Variants in PKMYT1 observed in about 807,000 individuals in gnomAD.
PKMYT1 encodes the protein protein kinase, membrane associated tyrosine/threonine 1.
In PKMYT1, 35 loss-of-function variants were observed where a neutral mutation model predicts 49.7. That is an observed-to-expected ratio of 0.70 (90% CI 0.54 to 0.93). The LOEUF is 0.93. Among genes scored for constraint, PKMYT1 ranks in the 40% least tolerant of loss-of-function variants. The pLI, the probability that PKMYT1 is intolerant of heterozygous loss-of-function variation, is 0.00. For synonymous variants in PKMYT1, 331 were observed against 287.6 expected, an observed-to-expected ratio of 1.15 and a Z score of -1.53; for missense variants, 677 against 673.1, an observed-to-expected ratio of 1.01 and a Z score of -0.06.
At chr16:2,975,843 T>C (rs1596451929) in intron 3 of PKMYT1, 31 bp from the exon 4 acceptor site, 1 of 1,558,820 alleles carries the variant, frequency 6.4e-7, no homozygotes, top group Non-Finnish European at 8.6e-7. Context: ...ACGCACACAG[T>C]GAGGGTGAGC....
At chr16:2,977,461 T>G (rs1432473985) in intron 2 of PKMYT1, 1 of 997,306 alleles carries the variant, frequency 1.0e-6, no homozygotes, top group African/African-American at 1.7e-5. Flanking sequence ...ATCCCTCAAG[T>G]GTCTTTCTTT....
chr16:2,976,634 G>A (rs746091348), intron 3 of PKMYT1, 30 bp downstream of exon 3: 7 of 1,413,970 alleles, frequency 5.0e-6, no homozygotes, highest in African/African-American at 1.4e-5. Context: ...AGGTCCCCCA[G>A]ATGGGCCTAG....
Position 2,976,844 on chromosome 16 carries a change from G to T in PKMYT1, c.198C>A (p.Leu66=). 1 of 1,547,616 alleles carries T rather than the reference G, an allele frequency of 6.5e-7. No individual in the cohort carries two copies. Among genetic ancestry groups the T allele is most frequent in the Non-Finnish European group, 8.7e-7 (1 of 1,145,344 alleles). The change falls in exon 3 of 9, where the codon CTC becomes CTA. Residue 66 remains leucine, a synonymous_variant. Coordinates refer to ENST00000262300, the MANE Select transcript of PKMYT1 (RefSeq NM_004203.5). ...GCCAGCCTGGGGTCCGAGGAGGGAA[G>T]AGGCGGCTGATGGGAATGCTGCCCT... ...PAKGSIPISR[L]FPPRTPGWHQ...
At position 2,972,846 on chromosome 16, in the gene PKMYT1, C is replaced by T. The variant is rs372084213; in HGVS notation, c.*107G>A. 8.5e-5 allele frequency: 130 copies of T among 1,532,324 alleles called. No individual in the cohort carries two copies. In the South Asian group the frequency reaches 1.1e-3, roughly 12 times the overall value. The allele number at this position is 1,532,324 out of a possible 1,614,324, so 94.9% of individuals were successfully genotyped here. On this transcript the variant is annotated 3_prime_UTR_variant, in exon 9 of 9. Transcript: ENST00000262300. Reference sequence around the variant, plus strand: ...AGGTTCAAATACTTTTTATTAGACACGGCCAGGCAGAGAAGACCATGGGAG... The same window carrying T: ...AGGTTCAAATACTTTTTATTAGACATGGCCAGGCAGAGAAGACCATGGGAG...
At chr16:2,974,873 C>G in intron 4 of PKMYT1, 1 of 584,054 alleles carries the variant, frequency 1.7e-6, no homozygotes, top group Non-Finnish European at 3.0e-6. Context: ...CCAGGGAGCC[C>G]ACAAGCCACA....
Position 2,976,858 on chromosome 16 carries a change from G to A in PKMYT1, c.184C>T (p.Pro62Ser), listed in dbSNP as rs201496002. 441 of 1,536,738 alleles carry A rather than the reference G, an allele frequency of 2.9e-4. No individual in the cohort carries two copies. Among genetic ancestry groups the A allele is most frequent in the Non-Finnish European group, 3.7e-4 (417 of 1,138,170 alleles). Residue 62 changes from proline to serine, a missense_variant, in exon 3 of 9, where the codon CCC becomes TCC. Pro to Ser is a moderately conservative substitution (Grantham distance 74). Transcript: ENST00000262300. ...PPPPPAKGSI[P>S]ISRLFPPRTP... ...CGAGGAGGGAAGAGGCGGCTGATGG[G>A]AATGCTGCCCTTGGCAGGGGGCGGA...
rs773611500 is a variant in PKMYT1, at chr16:2,973,159, G to A, written c.1367C>T (p.Pro456Leu). Residue 456 changes from proline to leucine, a missense_variant, in exon 8 of 9, where the codon CCC becomes CTC. By Grantham distance (98) the Pro-to-Leu change is moderately conservative. Coordinates refer to ENST00000262300, the MANE Select transcript of PKMYT1 (RefSeq NM_004203.5). ...LARTVGSTST[P>L]RSRCTPRDAL... ...TTACCTGGGTGTGCACCTGCTCCGGGGGGTGGAGGTGCTCCCCACAGTCCG... is the reference window on the plus strand; with the variant it reads ...TTACCTGGGTGTGCACCTGCTCCGGAGGGTGGAGGTGCTCCCCACAGTCCG... The A allele has an allele frequency of 3.2e-6, 5 of 1,540,726 alleles. No homozygotes were observed. In the South Asian group the frequency reaches 3.7e-5, roughly 11 times the overall value.
chr16:2,974,521 A>T, intron 5 of PKMYT1, 29 bp downstream of exon 5: 1 of 1,535,786 alleles, frequency 6.5e-7, no homozygotes, highest in South Asian at 1.2e-5. Context: ...AGCCCGTGGC[A>T]GCACCCCCTC....
chr16:2,973,439 A>C (rs1397010871), intron 7 of PKMYT1: 3 of 1,528,524 alleles, frequency 2.0e-6, no homozygotes, highest in East Asian at 4.9e-5. Context: ...TTTTCAGAAC[A>C]CATGGACTTG....
chr16:2,975,951 C>T (rs758768145), intron 3 of PKMYT1, 139 bp from the exon 4 acceptor site: 2 of 891,330 alleles, frequency 2.2e-6, no homozygotes, highest in Non-Finnish European at 3.4e-6. Flanking sequence ...TCTCAGACCC[C>T]TGCCCAGGGT....
In PKMYT1 at chr16:2,979,681, A is replaced by G. The variant is rs753437637; in HGVS notation, c.-24T>C. ...ATGACTGGCCTGGCCCAACAGCCTC[A>G]GTGGTGGGACGGGGGAGGCAGGAGC... On this transcript the variant is annotated 5_prime_UTR_variant, in exon 2 of 9. Transcript: ENST00000262300. 3.1e-6 allele frequency: 5 copies of G among 1,613,736 alleles called. No homozygotes were observed. In the African/African-American group the frequency reaches 5.3e-5, roughly 17 times the overall value.
intron 2 of PKMYT1, chr16:2,977,383 A>ATCC: frequency 1.0e-6 from 1 of 995,120 alleles, no homozygotes; most frequent in Non-Finnish European, 1.2e-6. Context: ...ATCCTAAACT[A>ATCC]CACAACCTCT....
At position 2,975,384 on chromosome 16, in the gene PKMYT1, T is replaced by C; in HGVS notation, c.807A>G (p.Gly269=). The change falls in exon 4 of 9, where the codon GGA becomes GGG. Residue 269 remains glycine, a synonymous_variant. Coordinates refer to ENST00000262300, the MANE Select transcript of PKMYT1 (RefSeq NM_004203.5). ...GCTCGGGGGCCATGTAGCGGGGGTC[T>C]CCCTCCTGGACCTCACCAGCTCCTG... ...GTAGAGEVQE[G]DPRYMAPELL... The C allele has an allele frequency of 6.2e-7, 1 of 1,613,014 alleles. No individual in the cohort carries two copies.
At chr16:2,979,184 T>A (rs189500075) in intron 2 of PKMYT1, among the ~76,000 whole-genome samples, 152,046 of 152,064 alleles carry the variant, frequency 1, 76,014 homozygotes, top group Middle Eastern at 1. Flanking sequence ...AAGATACAAA[T>A]TTTTGCCGGG....
chr16:2,973,030 G>A lies in PKMYT1; in HGVS notation c.1423C>T (p.Pro475Ser). 2 of 1,609,244 alleles carry A rather than the reference G, an allele frequency of 1.2e-6. No homozygotes were observed. Among genetic ancestry groups the A allele is most frequent in the Admixed American group, 1.7e-5 (1 of 59,328 alleles). ...ALDLSDINSE[P>S]PRGSFPSFEP... ...AAGGAGGGGAAGGAGCCCCGAGGAG[G>A]CTCTGAGTTGATGTCACTTAGGTCC... Residue 475 changes from proline (P) to serine (S), a missense_variant, in exon 9 of 9, where the codon CCT (proline) becomes TCT (serine). By Grantham distance (74) the Pro-to-Ser change is moderately conservative. Transcript: ENST00000262300.
chr16:2,979,621 TCCCACCGTCCCTG>T lies in PKMYT1; in HGVS notation c.10+14_10+26del, dbSNP rs748395615. The T allele has an allele frequency of 5.6e-6, 9 of 1,593,566 alleles. No homozygotes were observed. The African/African-American group carries it at 1.2e-4, about 21-fold the overall frequency. Reference sequence around the variant, plus strand: ...GGGCCTGTGCATCTTAACCCAGTTCTCCCACCGTCCCTGCCCTACGACTTACGTTCTAGCATGA... The same window carrying T: ...GGGCCTGTGCATCTTAACCCAGTTCTCCCTACGACTTACGTTCTAGCATGA... On this transcript the variant is annotated intron_variant, in intron 2 of 8. Transcript: ENST00000262300.
Position 2,974,421 on chromosome 16 carries a change from C to A in PKMYT1, c.980-4G>T, listed in dbSNP as rs950009722. ...GAACGCAGCTCGGAAGACAGACCTG[C>A]CCATGAGGAAGGGCCACATCGGGGT... On this transcript the variant is annotated splice_region_variant and splice_polypyrimidine_tract_variant and intron_variant, in intron 5 of 8. Coordinates refer to ENST00000262300, the MANE Select transcript of PKMYT1 (RefSeq NM_004203.5). 6 of 1,604,884 alleles carry A rather than the reference C, an allele frequency of 3.7e-6. No homozygotes were observed. The Admixed American group carries it at 6.7e-5, about 18-fold the overall frequency.
chr16:2,977,090 C>A, intron 2 of PKMYT1, 59 bp from the exon 3 acceptor site: 1 of 1,582,412 alleles, frequency 6.3e-7, no homozygotes. Context: ...TACCACCTGG[C>A]CCTGTGGCTC....
At chr16:2,976,123 G>A (rs1471341883) in intron 3 of PKMYT1, 3 of 376,748 alleles carry the variant, frequency 8.0e-6, no homozygotes, top group African/African-American at 6.2e-5. Context: ...AGGCTGTGGT[G>A]TGAAAAGTGG....
Sources: gnomAD v4.1 joint callset for allele counts (sites outside exome capture counted in the v4.1 genomes callset) on GRCh38, gnomAD v4.1.1 for gene constraint, MANE v1.5 for transcripts, NCBI Gene and HGNC (gene_info 2026-07-23, HGNC 2026-07-21) for gene names.